MAD1L1: variants seen among roughly 807,000 people sequenced by gnomAD.
MAD1L1 encodes the protein mitotic arrest deficient 1 like 1.
MAD1L1 carries 95 observed loss-of-function variants against 96.9 expected under a neutral mutation model. That is an observed-to-expected ratio of 0.98 (90% confidence interval 0.83 to 1.16). MAD1L1 has a LOEUF of 1.16. MAD1L1 is among the 50% of genes most tolerant of loss of function. The probability of loss-of-function intolerance (pLI) is 0.00; values close to 1 mark genes in which losing one functional copy is unlikely to be tolerated. For missense variants in MAD1L1, 1,007 were observed against 954.4 expected (o/e 1.06, Z -0.73); for synonymous variants, 473 against 396.6 (o/e 1.19, Z -2.29).
intron 16 of MAD1L1, among the ~76,000 whole-genome samples, chr7:1,953,576 AG>A (rs1256755206): frequency 1.3e-5 from 2 of 152,260 alleles, no homozygotes; most frequent in African/African-American, 4.8e-5. Context: ...AGGCATTTAG[AG>A]GAAGCGTGCA....
intron 12 of MAD1L1, among the ~76,000 whole-genome samples, chr7:2,021,186 T>G (rs1213946941): frequency 6.6e-6 from 1 of 152,156 alleles, no homozygotes; most frequent in Non-Finnish European, 1.5e-5. Flanking sequence ...GGCCGAGATT[T>G]GTCAAATCTA....
At chr7:1,949,747 G>A (rs1319588006) in intron 16 of MAD1L1, among the ~76,000 whole-genome samples, 2 of 152,234 alleles carry the variant, frequency 1.3e-5, no homozygotes, top group Non-Finnish European at 2.9e-5. Context: ...CGCAGTGCCT[G>A]CAGCAGCGGC....
chr7:2,231,350 T>C (rs1450944419), intron 1 of MAD1L1, among the ~76,000 whole-genome samples: 1 of 151,924 alleles, frequency 6.6e-6, no homozygotes, highest in African/African-American at 2.4e-5. Flanking sequence ...CCAGGCACTG[T>C]TGCTCATGCC....
intron 3 of MAD1L1, among the ~76,000 whole-genome samples, chr7:2,229,682 A>C (rs35268261): frequency 0.016 from 2,401 of 152,300 alleles, 23 homozygotes; most frequent in Non-Finnish European, 0.024. Flanking sequence ...TAGATGAATG[A>C]ACTGGCTTTC....
chr7:1,884,795 C>T (rs183795386), intron 18 of MAD1L1, among the ~76,000 whole-genome samples: 1 of 152,330 alleles, frequency 6.6e-6, no homozygotes, highest in African/African-American at 2.4e-5. Flanking sequence ...AGGTCAGAGC[C>T]CTGGGGGCAG....
At chr7:1,840,021 G>A (rs879680900) in intron 18 of MAD1L1, among the ~76,000 whole-genome samples, 1 of 152,248 alleles carries the variant, frequency 6.6e-6, no homozygotes, top group Non-Finnish European at 1.5e-5. Context: ...ACCTGCAGCG[G>A]GGCCCAGCAC....
At chr7:1,896,203 G>T (rs903682549) in intron 18 of MAD1L1, among the ~76,000 whole-genome samples, 1 of 152,258 alleles carries the variant, frequency 6.6e-6, no homozygotes, top group Non-Finnish European at 1.5e-5. Flanking sequence ...GCTCCAAGGC[G>T]GAAAGGAGGG....
chr7:2,196,920 C>T (rs964984990), intron 10 of MAD1L1, among the ~76,000 whole-genome samples: 3 of 152,236 alleles, frequency 2.0e-5, no homozygotes, highest in Non-Finnish European at 2.9e-5. Flanking sequence ...AAACCTGCAG[C>T]GGGTCAGACA....
At chr7:1,961,161 T>C (rs1048348970) in intron 15 of MAD1L1, among the ~76,000 whole-genome samples, 15 of 152,170 alleles carry the variant, frequency 9.9e-5, no homozygotes, top group African/African-American at 3.4e-4. Context: ...ACTCTGGGTG[T>C]TGGGAACGCA....
At chr7:2,179,710 C>A (rs149788966) in intron 10 of MAD1L1, among the ~76,000 whole-genome samples, 2,318 of 152,206 alleles carry the variant, frequency 0.015, 20 homozygotes, top group Middle Eastern at 0.051. Context: ...TGGCTCACGC[C>A]TGTAATCCCA....
At chr7:1,945,475 A>C (rs1252080412) in intron 16 of MAD1L1, among the ~76,000 whole-genome samples, 1 of 152,214 alleles carries the variant, frequency 6.6e-6, no homozygotes, top group Non-Finnish European at 1.5e-5. Context: ...AAGGGCTTGG[A>C]ACCCTTCTCC....
chr7:1,976,113 A>G (rs1780625301), intron 15 of MAD1L1, among the ~76,000 whole-genome samples: 2 of 152,220 alleles, frequency 1.3e-5, no homozygotes, highest in Non-Finnish European at 2.9e-5. Flanking sequence ...TACAACAAAT[A>G]AATGGATGTG....
At chr7:1,882,029 G>C (rs898327015) in intron 18 of MAD1L1, among the ~76,000 whole-genome samples, 17 of 152,172 alleles carry the variant, frequency 1.1e-4, no homozygotes, top group Admixed American at 9.8e-4. Flanking sequence ...AAGGGACCGA[G>C]AATCACTCTG....
chr7:2,003,478 C>A (rs1781895922), intron 13 of MAD1L1, among the ~76,000 whole-genome samples: 1 of 152,126 alleles, frequency 6.6e-6, no homozygotes, highest in Admixed American at 6.5e-5. Context: ...ACAGGCCCAG[C>A]CAGAGCCAGG....
chr7:2,183,744 G>A (rs6958309), intron 10 of MAD1L1, among the ~76,000 whole-genome samples: 6,918 of 151,832 alleles, frequency 0.046, 553 homozygotes, highest in African/African-American at 0.16. Context: ...ACACACCGGG[G>A]ACTGTCGTGG....
At chr7:2,187,347 T>C (rs1203217879) in intron 10 of MAD1L1, among the ~76,000 whole-genome samples, 5 of 151,926 alleles carry the variant, frequency 3.3e-5, no homozygotes, top group African/African-American at 7.3e-5. Flanking sequence ...AGACTCTGTC[T>C]CCAAAAAAAC....
At chr7:1,942,358 C>T (rs1392062323) in intron 16 of MAD1L1, among the ~76,000 whole-genome samples, 2 of 152,206 alleles carry the variant, frequency 1.3e-5, no homozygotes, top group African/African-American at 4.8e-5. Flanking sequence ...TGGCTGGGGG[C>T]GACAGCCAAA....
intron 15 of MAD1L1, among the ~76,000 whole-genome samples, chr7:1,978,293 C>T (rs558218196): frequency 5.3e-5 from 8 of 152,348 alleles, no homozygotes; most frequent in African/African-American, 1.9e-4. Flanking sequence ...CCTCCAGGCC[C>T]GCTGCTCTGT....
intron 10 of MAD1L1, among the ~76,000 whole-genome samples, chr7:2,201,504 A>G (rs941997565): frequency 2.0e-5 from 3 of 152,158 alleles, no homozygotes; most frequent in African/African-American, 7.2e-5. Flanking sequence ...CAGGGATGCC[A>G]CCGCCTCCTC....
Sources: allele counts gnomAD v4.1 joint callset (sites outside exome capture counted in the v4.1 genomes callset), GRCh38; gene constraint gnomAD v4.1.1; transcripts MANE v1.5; gene names NCBI Gene and HGNC (gene_info 2026-07-23, HGNC 2026-07-21).